ZNF384: variants seen among roughly 807,000 people sequenced by gnomAD.
The protein encoded by ZNF384 is CAG repeat protein 1.
A neutral mutation model predicts 65.0 loss-of-function variants in ZNF384; 20 were observed. The observed-to-expected ratio is 0.31, with a 90% CI of 0.22 to 0.45. The LOEUF (loss-of-function observed/expected upper bound fraction) is 0.45, where lower values mean the gene tolerates loss of function less well. Among genes scored for constraint, ZNF384 ranks in the 20% least tolerant of loss-of-function variants. ZNF384 has a pLI of 1.00. For synonymous variants in ZNF384, 310 were observed against 303.9 expected (o/e 1.02, Z -0.21); for missense variants, 549 against 769.4 (o/e 0.71, Z 3.39).
At chr12:6,674,513 C>T (rs1027938277) in intron 7 of ZNF384, among the ~76,000 whole-genome samples, 3 of 152,232 alleles carry the variant, frequency 2.0e-5, no homozygotes, top group East Asian at 1.9e-4. Context: ...TTAAGAGAGG[C>T]TTCAGATGGT....
Position 6,673,165 on chromosome 12 carries a change from T to C in ZNF384, c.1004+51A>G, listed in dbSNP as rs1484150518. The C allele has an allele frequency of 1.3e-6, 2 of 1,545,436 alleles. No homozygotes were observed. The highest frequency in any genetic ancestry group is 3.6e-5 in the Admixed American group (2 of 56,280). ...GAGAGAGGAGTAGGTGCAGGCAACA[T>C]GGTCTTAGGGTTCACGGCCAGGTGG... On this transcript the variant is annotated intron_variant, in intron 8 of 11. Coordinates refer to ENST00000683879, the MANE Select transcript of ZNF384 (RefSeq NM_001385745.1). This position sits in a 1 kb window ranked among gnomAD's most constrained non-coding sequence, Gnocchi z 4.7.
At chr12:6,683,125 T>C (rs564581563) in intron 2 of ZNF384, among the ~76,000 whole-genome samples, 2 of 151,386 alleles carry the variant, frequency 1.3e-5, no homozygotes, top group Non-Finnish European at 2.9e-5. Flanking sequence ...ACCCCATCTC[T>C]ACTAAAAATA....
chr12:6,666,579 A>C lies in ZNF384; in HGVS notation c.*1135T>G, dbSNP rs1949824559. On this transcript the variant is annotated 3_prime_UTR_variant, in exon 12 of 12. Transcript: ENST00000683879. Reference sequence around the variant, plus strand: ...CTTCATTTTTAAATTACTTTATAACAACTGGTTTCCTGATTTTTTTTTTAA... The same window carrying C: ...CTTCATTTTTAAATTACTTTATAACCACTGGTTTCCTGATTTTTTTTTTAA... 6.1e-6 allele frequency: 1 copy of C among 163,600 alleles called. No individual in the cohort carries two copies. Among genetic ancestry groups the C allele is most frequent in the Non-Finnish European group, 1.3e-5 (1 of 75,670 alleles). 10.1% of individuals were successfully genotyped at this position (163,600 alleles called of 1,614,324 possible). A position where few individuals can be genotyped will look rare whatever the true frequency, so the allele number is the denominator to read the frequency against.
At chr12:6,675,310 A>G (rs1250351586) in intron 7 of ZNF384, among the ~76,000 whole-genome samples, 1 of 152,214 alleles carries the variant, frequency 6.6e-6, no homozygotes, top group Non-Finnish European at 1.5e-5. Context: ...TCTACTCCTC[A>G]CAACCTGGCA....
rs532664967 is a variant in ZNF384, at chr12:6,679,181, G to T, written c.69C>A (p.Ile23=). The part of the protein sequence containing the change: ...WPSIPTVSGQ[I]ENTMFINKMK... ...TCTTGTTGATGAACATTGTGTTCTC[G>T]ATCTAAGAGAAAAGGAAGGGGACGG... The change falls in exon 4 of 12, where the codon ATC becomes ATA. Residue 23 remains isoleucine, a splice_region_variant and synonymous_variant. Transcript: ENST00000683879. 6.4e-7 allele frequency: 1 copy of T among 1,568,718 alleles called. No individual in the cohort carries two copies. The highest frequency in any genetic ancestry group is 2.2e-5 in the East Asian group (1 of 44,456).
intron 2 of ZNF384, among the ~76,000 whole-genome samples, chr12:6,681,678 C>T (rs1031195739): frequency 6.6e-6 from 1 of 152,130 alleles, no homozygotes; most frequent in Non-Finnish European, 1.5e-5. Flanking sequence ...TCAACAAAGG[C>T]GCCGAAGCTG....
intron 6 of ZNF384, among the ~76,000 whole-genome samples, chr12:6,677,627 G>A (rs984061762): frequency 6.6e-6 from 1 of 152,150 alleles, no homozygotes; most frequent in Non-Finnish European, 1.5e-5. Flanking sequence ...CAAAGGGGGA[G>A]GCATCCTATT....
chr12:6,685,367 A>T (rs1957528839), intron 2 of ZNF384, among the ~76,000 whole-genome samples: 1 of 152,082 alleles, frequency 6.6e-6, no homozygotes, highest in Non-Finnish European at 1.5e-5. Context: ...GAAAAAACAG[A>T]AGAGAAGGAA....
chr12:6,667,336 T>C lies in ZNF384; in HGVS notation c.*378A>G. The C allele has an allele frequency of 2.5e-6, 1 of 407,824 alleles. No homozygotes were observed. The allele number at this position is 407,824 out of a possible 1,614,324, so 25.3% of individuals were successfully genotyped here. A position where few individuals can be genotyped will look rare whatever the true frequency, so the allele number is the denominator to read the frequency against. On this transcript the variant is annotated 3_prime_UTR_variant, in exon 12 of 12. Transcript: ENST00000683879. ...TCTGTTATCTGGGAGGGCCAGCCTC[T>C]AGTCTTACATCAGCCCAAACTTTGA...
In ZNF384 at chr12:6,678,412, G is replaced by A; in HGVS notation, c.401C>T (p.Ala134Val). 2 of 1,607,278 alleles carry A rather than the reference G, an allele frequency of 1.2e-6. No homozygotes were observed. Among genetic ancestry groups the A allele is most frequent in the Non-Finnish European group, 1.7e-6 (2 of 1,176,754 alleles). ...TSPSGSLVTT[A>V]SSAQTFPISA... Reference sequence around the variant, plus strand: ...AATGGGGAAGGTCTGAGCTGATGATGCTGTGGTCACAAGAGAGCCTGAGGG... The same window carrying A: ...AATGGGGAAGGTCTGAGCTGATGATACTGTGGTCACAAGAGAGCCTGAGGG... The change falls in exon 6 of 12, where the codon GCA (alanine) becomes GTA (valine). Residue 134 changes from alanine to valine, a missense_variant. Physicochemically the swap from Ala to Val is moderately conservative, Grantham distance 64. This residue lies in a region of ZNF384 where 277 missense variants were observed against 337.2 expected (regional missense o/e 0.82). Transcript: ENST00000683879. This position sits in a 1 kb window ranked among gnomAD's most constrained non-coding sequence, Gnocchi z 4.9.
intron 11 of ZNF384, 58 bp downstream of exon 11, chr12:6,668,973 G>T: frequency 1.3e-6 from 2 of 1,523,018 alleles, no homozygotes; most frequent in South Asian, 1.3e-5. Flanking sequence ...AAAATGGGGT[G>T]AAGTGGACTG....
intron 6 of ZNF384, 126 bp from the exon 7 acceptor site, chr12:6,677,385 A>G: frequency 9.6e-7 from 1 of 1,040,752 alleles, no homozygotes; most frequent in East Asian, 7.6e-5. Context: ...CACTCTATAC[A>G]GTGCTACCAA....
intron 2 of ZNF384, among the ~76,000 whole-genome samples, chr12:6,683,853 C>T (rs1956990476): frequency 6.6e-6 from 1 of 151,716 alleles, no homozygotes; most frequent in Non-Finnish European, 1.5e-5. Context: ...CTTGTCTCTA[C>T]TGAAAGTACA....
chr12:6,679,267 G>A, intron 3 of ZNF384, 84 bp from the exon 4 acceptor site: 1 of 1,340,006 alleles, frequency 7.5e-7, no homozygotes, highest in Non-Finnish European at 1.0e-6. Context: ...TTCAGTGTCT[G>A]TCCTCCTTAG....
intron 2 of ZNF384, 49 bp downstream of exon 2, chr12:6,688,118 C>G (rs967614221): frequency 1.4e-4 from 21 of 152,594 alleles, no homozygotes; most frequent in African/African-American, 5.1e-4. Context: ...TGGTTGTGAC[C>G]CCTTCTCCCC....
chr12:6,677,990 A>G lies in ZNF384; in HGVS notation c.686+137T>C, dbSNP rs909819852. 7.9e-6 allele frequency: 6 copies of G among 761,314 alleles called. No individual in the cohort carries two copies. The African/African-American group carries it at 1.0e-4, about 13-fold the overall frequency. 47.2% of individuals were successfully genotyped at this position (761,314 alleles called of 1,614,324 possible). On this transcript the variant is annotated intron_variant, in intron 6 of 11. Coordinates refer to ENST00000683879, the MANE Select transcript of ZNF384 (RefSeq NM_001385745.1). ...TCTGCCTCCTATCCTATGATGGGACACCTGACATGCAAGTGGCTCAGAGCT... is the reference window on the plus strand; with the variant it reads ...TCTGCCTCCTATCCTATGATGGGACGCCTGACATGCAAGTGGCTCAGAGCT...
At chr12:6,669,664 A>G (rs537737043) in intron 10 of ZNF384, among the ~76,000 whole-genome samples, 10 of 151,540 alleles carry the variant, frequency 6.6e-5, no homozygotes, top group Middle Eastern at 3.4e-3. Flanking sequence ...AGGCCTGGCT[A>G]ATTTTTTTTG....
chr12:6,681,137 T>C (rs1955771890), intron 2 of ZNF384, among the ~76,000 whole-genome samples: 1 of 150,252 alleles, frequency 6.7e-6, no homozygotes, highest in Non-Finnish European at 1.5e-5. Flanking sequence ...GAGAATTGCT[T>C]GAACCCAGGA....
chr12:6,679,214 C>T (rs1259469365), intron 3 of ZNF384, 31 bp from the exon 4 acceptor site: 3 of 1,533,584 alleles, frequency 2.0e-6, no homozygotes. Context: ...CGGGAGCACC[C>T]TCTTCAGCCT....
Sources: allele counts gnomAD v4.1 joint callset (sites outside exome capture counted in the v4.1 genomes callset), GRCh38; gene constraint gnomAD v4.1.1; regional missense constraint gnomAD v4.1.1; non-coding constraint Gnocchi (gnomAD v3.1); transcripts MANE v1.5; gene names NCBI Gene and HGNC (gene_info 2026-07-23, HGNC 2026-07-21).